C12orf42: variants seen among roughly 807,000 people sequenced by gnomAD.
C12orf42 encodes the protein chromosome 12 open reading frame 42.
In C12orf42, 25 loss-of-function variants were observed where a neutral mutation model predicts 21.6. The ratio of observed to expected loss-of-function variants is 1.16; its 90% CI spans 0.84 to 1.62. C12orf42 has a LOEUF of 1.62. C12orf42 is among the 40% of genes most tolerant of loss of function. C12orf42 has a pLI of 0.00. For missense variants in C12orf42, 483 were observed against 459.3 expected (o/e 1.05, Z -0.47); for synonymous variants, 174 against 175.0 (o/e 0.99, Z 0.05).
the C12orf42 span, among the ~76,000 whole-genome samples, chr12:103,079,495 G>A: frequency 6.6e-6 from 1 of 152,176 alleles, no homozygotes; most frequent in East Asian, 1.9e-4. Flanking sequence ...GTGTATGGCT[G>A]GACAAGTTTC....
intron 4 of C12orf42, among the ~76,000 whole-genome samples, chr12:103,360,644 A>G (rs1322361028): frequency 6.6e-6 from 1 of 151,980 alleles, no homozygotes; most frequent in Non-Finnish European, 1.5e-5. Context: ...CTGTTCCTCC[A>G]TTGTGTTTTT....
intron 2 of C12orf42, among the ~76,000 whole-genome samples, chr12:103,427,285 A>C (rs930464011): frequency 1.9e-4 from 22 of 112,978 alleles, no homozygotes; most frequent in African/African-American, 5.7e-4. Flanking sequence ...AATGGAAAGC[A>C]AAAAAAAAAG....
At chr12:103,098,113 A>C in the C12orf42 span, among the ~76,000 whole-genome samples, 1 of 152,218 alleles carries the variant, frequency 6.6e-6, no homozygotes, top group African/African-American at 2.4e-5. Context: ...AAAGTTATTT[A>C]AGGAAATTTC....
chr12:103,097,420 G>T, the C12orf42 span, among the ~76,000 whole-genome samples: 1 of 152,148 alleles, frequency 6.6e-6, no homozygotes, highest in African/African-American at 2.4e-5. Flanking sequence ...AGAATATTTT[G>T]AATTTCATCC....
chr12:103,541,042 T>A, the C12orf42 span, among the ~76,000 whole-genome samples: 27,412 of 152,084 alleles, frequency 0.18, 2,541 homozygotes, highest in South Asian at 0.29. Context: ...TAGCTGGGAT[T>A]ATAGGTGCAT....
At chr12:103,065,456 C>T in the C12orf42 span, among the ~76,000 whole-genome samples, 3 of 152,288 alleles carry the variant, frequency 2.0e-5, no homozygotes, top group South Asian at 6.2e-4. Flanking sequence ...CTTTACTGTC[C>T]TACCTCAGGG....
intron 4 of C12orf42, among the ~76,000 whole-genome samples, chr12:103,352,226 T>C (rs554413618): frequency 2.0e-5 from 3 of 152,276 alleles, no homozygotes; most frequent in East Asian, 3.9e-4. Flanking sequence ...GAGGGTAGAA[T>C]TCTCCTTTAC....
chr12:103,289,715 G>A (rs956393661), intron 4 of C12orf42, among the ~76,000 whole-genome samples: 13 of 152,098 alleles, frequency 8.5e-5, no homozygotes, highest in African/African-American at 2.9e-4. Context: ...ATTGTGATGG[G>A]GGGAAAAAAC....
At chr12:103,170,343 T>C in the C12orf42 span, among the ~76,000 whole-genome samples, 1 of 152,180 alleles carries the variant, frequency 6.6e-6, no homozygotes, top group Admixed American at 6.6e-5. Context: ...ACCTGACATT[T>C]TAGTATTCCT....
the C12orf42 span, among the ~76,000 whole-genome samples, chr12:103,195,845 C>G: frequency 6.6e-6 from 1 of 152,066 alleles, no homozygotes; most frequent in Non-Finnish European, 1.5e-5. Context: ...GAGTCTTTAT[C>G]ATGAAATCTT....
At chr12:103,248,417 C>T (rs1371200203) in intron 10 of C12orf42, among the ~76,000 whole-genome samples, 3 of 152,052 alleles carry the variant, frequency 2.0e-5, no homozygotes, top group South Asian at 4.2e-4. Context: ...GCAGAGTGTT[C>T]GGAGCCAACC....
chr12:103,273,298 A>AT (rs1286562245), intron 5 of C12orf42, among the ~76,000 whole-genome samples: 3 of 152,150 alleles, frequency 2.0e-5, no homozygotes, highest in East Asian at 1.9e-4. Flanking sequence ...AGTCACTAGG[A>AT]TTTTTTTAAA....
At chr12:103,529,037 TAA>T in the C12orf42 span, among the ~76,000 whole-genome samples, 2 of 152,144 alleles carry the variant, frequency 1.3e-5, no homozygotes, top group Non-Finnish European at 2.9e-5. Context: ...CAAAGTAGTA[TAA>T]GAGTGTGCAC....
At chr12:103,409,246 A>T (rs932695554) in intron 2 of C12orf42, among the ~76,000 whole-genome samples, 2 of 152,168 alleles carry the variant, frequency 1.3e-5, no homozygotes, top group African/African-American at 4.8e-5. Context: ...GGGAAATTCA[A>T]TTGTATTTAA....
chr12:103,514,443 A>T, the C12orf42 span, among the ~76,000 whole-genome samples: 1 of 152,164 alleles, frequency 6.6e-6, no homozygotes, highest in Non-Finnish European at 1.5e-5. Context: ...GAGCTAATGC[A>T]AAAGCTCCAG....
chr12:103,108,216 T>C, the C12orf42 span, among the ~76,000 whole-genome samples: 1 of 151,762 alleles, frequency 6.6e-6, no homozygotes, highest in African/African-American at 2.4e-5. Context: ...CACTATAATT[T>C]TACTAGAGTC....
chr12:103,123,629 T>A, the C12orf42 span, among the ~76,000 whole-genome samples: 2 of 152,158 alleles, frequency 1.3e-5, no homozygotes. Flanking sequence ...CTGTGGCTAT[T>A]GTGCACTTGA....
At chr12:103,294,666 G>T (rs2037134567) in intron 4 of C12orf42, among the ~76,000 whole-genome samples, 1 of 151,230 alleles carries the variant, frequency 6.6e-6, no homozygotes, top group Non-Finnish European at 1.5e-5. Flanking sequence ...AAAGAAAGAA[G>T]GAAAAAACCT....
the C12orf42 span, among the ~76,000 whole-genome samples, chr12:103,196,696 A>G: frequency 6.6e-6 from 1 of 151,690 alleles, no homozygotes; most frequent in Non-Finnish European, 1.5e-5. Flanking sequence ...CTTTTAAGTC[A>G]TTGTTGGTTT....
Sources: allele counts gnomAD v4.1 joint callset (sites outside exome capture counted in the v4.1 genomes callset), GRCh38; gene constraint gnomAD v4.1.1; transcripts MANE v1.5; gene names NCBI Gene and HGNC (gene_info 2026-07-23, HGNC 2026-07-21).